The following NXPE3 variants were observed in gnomAD, a reference collection of about 807,000 sequenced individuals.
NXPE3 encodes the protein NXPE family member 3.
In NXPE3, 26 loss-of-function variants were observed where a neutral mutation model predicts 46.1. That is an observed-to-expected ratio of 0.56 (90% confidence interval 0.41 to 0.78). The LOEUF is 0.78. NXPE3 is among the 30% of genes least tolerant of loss of function. NXPE3 has a pLI of 0.00. For missense variants in NXPE3, 620 were observed against 686.0 expected, an observed-to-expected ratio of 0.90 and a Z score of 1.07; for synonymous variants, 272 against 257.9, an observed-to-expected ratio of 1.05 and a Z score of -0.52.
At chr3:101,821,245 G>T (rs987571424) in intron 7 of NXPE3, among the ~76,000 whole-genome samples, 159 bp from the exon 8 acceptor site, 1 of 152,046 alleles carries the variant, frequency 6.6e-6, no homozygotes, top group African/African-American at 2.4e-5. Flanking sequence ...TACAAAAGGG[G>T]GCAGAGTTCA....
At position 101,801,547 on chromosome 3, in the gene NXPE3, C is replaced by G; in HGVS notation, c.406C>G (p.Pro136Ala). ...LVHVQDFQRK[P>A]KKYGGDYLQA... ...TCATGTGCAGGATTTTCAAAGAAAGCCCAAGAAGTATGGTGGAGACTACCT... is the reference window on the plus strand; with the variant it reads ...TCATGTGCAGGATTTTCAAAGAAAGGCCAAGAAGTATGGTGGAGACTACCT... The change falls in exon 5 of 8, where the codon CCC becomes GCC. Residue 136 changes from proline (P) to alanine (A), a missense_variant. This residue lies in a region of NXPE3 where 511 missense variants were observed against 528.6 expected (regional missense o/e 0.97). Transcript: ENST00000273347. The G allele has an allele frequency of 2.5e-6, 4 of 1,614,166 alleles. No individual in the cohort carries two copies. The highest frequency in any genetic ancestry group is 3.4e-6 in the Non-Finnish European group (4 of 1,180,022).
In NXPE3 at chr3:101,782,310, A is replaced by G. The variant is rs900674654; in HGVS notation, c.-317+20A>G. On this transcript the variant is annotated intron_variant, in intron 2 of 7. Coordinates refer to ENST00000273347, the MANE Select transcript of NXPE3 (RefSeq NM_145037.4). ...AAAAAGGTAAATTACATTGAATTAT[A>G]TATTTTTATTTTTTTGGTTAATCTG... The G allele has an allele frequency of 6.6e-6, 1 of 152,184 alleles. No homozygotes were observed. The highest frequency in any genetic ancestry group is 1.5e-5 in the Non-Finnish European group (1 of 68,040). 9.4% of individuals were successfully genotyped at this position (152,184 alleles called of 1,614,324 possible).
At chr3:101,791,016 G>A (rs757621026) in intron 4 of NXPE3, among the ~76,000 whole-genome samples, 2 of 152,144 alleles carry the variant, frequency 1.3e-5, no homozygotes, top group Non-Finnish European at 2.9e-5. Flanking sequence ...GAAAGCATAT[G>A]TCAGTGGGGG....
intron 4 of NXPE3, among the ~76,000 whole-genome samples, chr3:101,791,346 A>AT (rs1334974863): frequency 3.7e-4 from 56 of 152,102 alleles, no homozygotes; most frequent in Admixed American, 4.6e-4. Flanking sequence ...ATTTTCTTAT[A>AT]TTTTTTATGG....
At chr3:101,802,362 A>C (rs563077864) in intron 5 of NXPE3, among the ~76,000 whole-genome samples, 1 of 152,200 alleles carries the variant, frequency 6.6e-6, no homozygotes, top group Admixed American at 6.5e-5. Context: ...TCATGCTTGT[A>C]ATCCCAGCAC....
chr3:101,792,663 G>C (rs568352334), intron 4 of NXPE3, among the ~76,000 whole-genome samples: 4 of 152,150 alleles, frequency 2.6e-5, no homozygotes, highest in African/African-American at 4.8e-5. Flanking sequence ...TTTGGTTACT[G>C]TTGCCTTGTA....
At chr3:101,789,101 T>C (rs1361837321) in intron 4 of NXPE3, among the ~76,000 whole-genome samples, 1 of 152,234 alleles carries the variant, frequency 6.6e-6, no homozygotes, top group Non-Finnish European at 1.5e-5. Flanking sequence ...TTCTGTTTTT[T>C]TGTTTGGTCA....
chr3:101,808,688 A>G (rs1008592117), intron 6 of NXPE3, among the ~76,000 whole-genome samples: 2 of 151,730 alleles, frequency 1.3e-5, no homozygotes, highest in Admixed American at 1.3e-4. Context: ...TGTTTGGCCC[A>G]TATGCAGCCA....
chr3:101,808,927 A>G (rs2107321188), intron 6 of NXPE3, among the ~76,000 whole-genome samples: 1 of 146,306 alleles, frequency 6.8e-6, no homozygotes, highest in Middle Eastern at 3.6e-3. Flanking sequence ...GGTGTCCTTC[A>G]GTAGTACTGC....
intron 5 of NXPE3, among the ~76,000 whole-genome samples, chr3:101,806,717 C>T (rs952177508): frequency 6.6e-6 from 1 of 152,156 alleles, no homozygotes; most frequent in Non-Finnish European, 1.5e-5. Flanking sequence ...TAAGTAATGA[C>T]AAAATAGACA....
intron 6 of NXPE3, among the ~76,000 whole-genome samples, chr3:101,807,612 G>A (rs745305681): frequency 6.6e-6 from 1 of 151,694 alleles, no homozygotes; most frequent in Non-Finnish European, 1.5e-5. Context: ...ACATGTGCAC[G>A]GCCGAGTTTT....
intron 4 of NXPE3, among the ~76,000 whole-genome samples, chr3:101,790,422 A>G (rs1940438700): frequency 6.6e-6 from 1 of 152,214 alleles, no homozygotes; most frequent in African/African-American, 2.4e-5. Context: ...AGGTACATAA[A>G]TGTTTAGAAT....
At chr3:101,817,805 CT>C (rs1015953337) in intron 7 of NXPE3, among the ~76,000 whole-genome samples, 34 of 152,266 alleles carry the variant, frequency 2.2e-4, no homozygotes, top group African/African-American at 7.7e-4. Flanking sequence ...GTGGGCAAGG[CT>C]TTTAATAAAG....
In NXPE3 at chr3:101,816,986, A is replaced by G. The variant is rs745900036; in HGVS notation, c.1114A>G (p.Thr372Ala). The G allele has an allele frequency of 1.2e-6, 2 of 1,614,096 alleles. No homozygotes were observed. Among genetic ancestry groups the G allele is most frequent in the Non-Finnish European group, 1.7e-6 (2 of 1,179,944 alleles). ...AATCAGGCAATGGTTTGAATACCTT[A>G]CTACATTTGTTCCAGGTTGGTACTG... ...STIRQWFEYL[T>A]TFVPDLVEFN... The change falls in exon 7 of 8, where the codon ACT (threonine) becomes GCT (alanine). Residue 372 changes from threonine (T) to alanine (A), a missense_variant. Thr to Ala is a moderately conservative substitution (Grantham distance 58). Around this residue, in one of 3 missense-constraint regions of NXPE3, gnomAD observed 511 missense variants for 528.6 expected, o/e 0.97. Coordinates refer to ENST00000273347, the MANE Select transcript of NXPE3 (RefSeq NM_145037.4).
intron 6 of NXPE3, among the ~76,000 whole-genome samples, chr3:101,812,993 T>A (rs771409846): frequency 2.6e-5 from 4 of 151,900 alleles, no homozygotes; most frequent in Non-Finnish European, 5.9e-5. Context: ...ATTTCCAAGG[T>A]TTCATAGGGG....
chr3:101,783,705 A>C (rs568116970), intron 3 of NXPE3, among the ~76,000 whole-genome samples: 1 of 152,304 alleles, frequency 6.6e-6, no homozygotes, highest in East Asian at 1.9e-4. Context: ...CCTATGGTGC[A>C]ACTAAATTCC....
In NXPE3 at chr3:101,803,990, G is replaced by A. The variant is rs567156282; in HGVS notation, c.848+2001G>A. 3.3e-5 allele frequency among the ~76,000 whole-genome samples: 5 copies of A among 152,268 alleles called. No homozygotes were observed. The East Asian group carries it at 7.7e-4, about 23-fold the overall frequency. ...TTGCACATATTTTTGAGGTAGATGTGATATTTTGATACAAGCATATAATAT... is the reference window on the plus strand; with the variant it reads ...TTGCACATATTTTTGAGGTAGATGTAATATTTTGATACAAGCATATAATAT... On this transcript the variant is annotated intron_variant, in intron 5 of 7. Transcript: ENST00000273347.
Position 101,785,459 on chromosome 3 carries a change from G to T in NXPE3, c.-138G>T. 1 of 700,858 alleles carries T rather than the reference G, an allele frequency of 1.4e-6. No homozygotes were observed. Among genetic ancestry groups the T allele is most frequent in the East Asian group, 2.5e-5 (1 of 39,350 alleles). The allele number at this position is 700,858 out of a possible 1,614,324, so 43.4% of individuals were successfully genotyped here. On this transcript the variant is annotated 5_prime_UTR_variant, in exon 4 of 8. Coordinates refer to ENST00000273347, the MANE Select transcript of NXPE3 (RefSeq NM_145037.4). ...CAACTGCAGTCTCTCCTCTGCATAAGAGCTCTTAAGGGTACTAGCAGGATA... is the reference window on the plus strand; with the variant it reads ...CAACTGCAGTCTCTCCTCTGCATAATAGCTCTTAAGGGTACTAGCAGGATA...
Position 101,798,722 on chromosome 3 carries a change from C to T in NXPE3, c.94-2513C>T, listed in dbSNP as rs138008942. ...CTGCCTCCTGGGTTCAAGCAATTCT[C>T]GTGCTTCAGCCTCCTGAGTAGCTGA... On this transcript the variant is annotated intron_variant, in intron 4 of 7. Coordinates refer to ENST00000273347, the MANE Select transcript of NXPE3 (RefSeq NM_145037.4). 2.6e-3 allele frequency among the ~76,000 whole-genome samples: 402 copies of T among 151,826 alleles called. 2 individuals are homozygous for T. Among genetic ancestry groups the T allele is most frequent in the African/African-American group, 8.3e-3 (344 of 41,422 alleles).
Sources: allele counts gnomAD v4.1 joint callset (sites outside exome capture counted in the v4.1 genomes callset), GRCh38; gene constraint gnomAD v4.1.1; regional missense constraint gnomAD v4.1.1; transcripts MANE v1.5; gene names NCBI Gene and HGNC (gene_info 2026-07-23, HGNC 2026-07-21).